ADSL: variants seen among roughly 807,000 people sequenced by gnomAD.
ADSL encodes adenylosuccinate lyase.
A neutral mutation model predicts 62.1 loss-of-function variants in ADSL; 44 were observed. The observed-to-expected ratio is 0.71, with a 90% CI of 0.56 to 0.91. ADSL has a LOEUF of 0.91. Ranked by LOEUF, ADSL falls within the 40% of genes least tolerant of loss-of-function variation. The pLI is 0.00. For synonymous variants in ADSL, 198 were observed against 220.5 expected (o/e 0.90, Z 0.90); for missense variants, 531 against 627.4 (o/e 0.85, Z 1.64).
intron 2 of ADSL, among the ~76,000 whole-genome samples, chr22:40,351,192 C>CA: frequency 6.6e-6 from 1 of 150,432 alleles, no homozygotes; most frequent in African/African-American, 2.5e-5. Flanking sequence ...TTTTTGGAGA[C>CA]AGAGTTTTGC....
chr22:40,353,775 G>T, intron 3 of ADSL: 1 of 264,082 alleles, frequency 3.8e-6, no homozygotes, highest in East Asian at 1.1e-4. Context: ...ACTGGCACCC[G>T]CCACTACGCC....
At position 40,361,527 on chromosome 22, in the gene ADSL, C is replaced by A; in HGVS notation, c.902C>A (p.Ser301Ter). ...AMPYKRNPMR[S>*]ERCCSLARHL... is the part of the protein sequence containing the mutation. Reference sequence around the variant, plus strand: ...CCATATAAGCGGAATCCCATGCGTTCAGAACGTTGCTGCAGTCTTGCCCGC... The same window carrying A: ...CCATATAAGCGGAATCCCATGCGTTAAGAACGTTGCTGCAGTCTTGCCCGC... The change falls in exon 9 of 13, where the codon TCA (serine) becomes TAA (stop). Residue 301 changes from serine to a stop codon, truncating the protein, a stop_gained. Transcript: ENST00000623063. LOFTEE classifies it high-confidence loss of function. The A allele has an allele frequency of 6.2e-7, 1 of 1,614,212 alleles. No homozygotes were observed. Among genetic ancestry groups the A allele is most frequent in the Non-Finnish European group, 8.5e-7 (1 of 1,180,050 alleles).
intron 2 of ADSL, among the ~76,000 whole-genome samples, chr22:40,380,660 C>G (rs2047420017): frequency 6.6e-6 from 1 of 152,096 alleles, no homozygotes; most frequent in South Asian, 2.1e-4. Flanking sequence ...ATCATAAAAA[C>G]AGGCCTGGCT....
intron 4 of ADSL, among the ~76,000 whole-genome samples, chr22:40,357,018 C>G (rs961506477): frequency 6.6e-6 from 1 of 152,152 alleles, no homozygotes; most frequent in African/African-American, 2.4e-5. Context: ...ACCTCAGCCT[C>G]CCAAGTACCT....
chr22:40,385,071 T>A (rs1466760095), intron 2 of ADSL, among the ~76,000 whole-genome samples: 1 of 152,322 alleles, frequency 6.6e-6, no homozygotes, highest in East Asian at 1.9e-4. Flanking sequence ...CAATATGGTC[T>A]GTGCCCTCAG....
Position 40,366,345 on chromosome 22 carries a change from G to C in ADSL, c.1369-91G>C, listed in dbSNP as rs530986590. 3 of 906,164 alleles carry C rather than the reference G, an allele frequency of 3.3e-6. No homozygotes were observed. The African/African-American group carries it at 5.0e-5, about 15-fold the overall frequency. The allele number at this position is 906,164 out of a possible 1,614,324, so 56.1% of individuals were successfully genotyped here. A position where few individuals can be genotyped will look rare whatever the true frequency, so the allele number is the denominator to read the frequency against. On this transcript the variant is annotated intron_variant, in intron 12 of 12. Coordinates refer to ENST00000623063, the MANE Select transcript of ADSL (RefSeq NM_000026.4). The stretch of plus-strand genomic sequence containing the variant: ...TTGGAGTAAAAGCTTCATCAAATTA[G>C]GTTTCAGTGGTATCCCCTGACATTG...
At chr22:40,353,950 G>C (rs757813242) in intron 3 of ADSL, 12 of 477,588 alleles carry the variant, frequency 2.5e-5, no homozygotes, top group Admixed American at 2.1e-4. Flanking sequence ...TAAACGAAGA[G>C]AGTGCAACCA....
rs1462967873 is a variant in ADSL, at chr22:40,349,088, C to T, written c.154-744C>T. ...GTAAAATGGCCACCATCATGCCAAGCACTAAGGATTAAGCAATAAATAAAA... is the reference window on the plus strand; with the variant it reads ...GTAAAATGGCCACCATCATGCCAAGTACTAAGGATTAAGCAATAAATAAAA... On this transcript the variant is annotated intron_variant, in intron 1 of 12. Coordinates refer to ENST00000623063, the MANE Select transcript of ADSL (RefSeq NM_000026.4). 2.0e-5 allele frequency among the ~76,000 whole-genome samples: 3 copies of T among 152,094 alleles called. 1 individual carries two copies. Among genetic ancestry groups the T allele is most frequent in the African/African-American group, 7.2e-5 (3 of 41,424 alleles).
intron 11 of ADSL, 97 bp downstream of exon 11, chr22:40,364,462 T>C: frequency 9.7e-7 from 1 of 1,027,560 alleles, no homozygotes; most frequent in Non-Finnish European, 1.5e-6. Flanking sequence ...TTTATGTCAT[T>C]ACCTTCAGTC....
At chr22:40,347,671 A>G (rs915597438) in intron 1 of ADSL, among the ~76,000 whole-genome samples, 9 of 152,196 alleles carry the variant, frequency 5.9e-5, no homozygotes, top group African/African-American at 2.2e-4. Context: ...ATATTGGGCG[A>G]TACACTACAA....
chr22:40,375,666 AT>A (rs34846503), intron 2 of ADSL, among the ~76,000 whole-genome samples: 135 of 147,686 alleles, frequency 9.1e-4, no homozygotes, highest in African/African-American at 2.3e-3. Flanking sequence ...AAGACAGAGA[AT>A]TTTTTTTTTT....
chr22:40,353,747 TC>T, intron 3 of ADSL: 1 of 255,320 alleles, frequency 3.9e-6, no homozygotes, highest in Non-Finnish European at 7.4e-6. Flanking sequence ...TGCCTCAGCC[TC>T]CCGAACAGCT....
Position 40,378,830 on chromosome 22 carries a change from C to T in ADSL, c.90-11400C>T, listed in dbSNP as rs542575874. ...GAGATCGTGATTCTCTGATTGAAAT[C>T]TAAATCTGCAGACTCCGAGACCTAG... On this transcript the variant is annotated intron_variant, in intron 2 of 2. Transcript: ENST00000498234. 1.8e-4 allele frequency among the ~76,000 whole-genome samples: 28 copies of T among 152,318 alleles called. No homozygotes were observed. The South Asian group carries it at 5.8e-3, about 32-fold the overall frequency.
chr22:40,366,035 G>A (rs1426378095), intron 12 of ADSL, among the ~76,000 whole-genome samples: 1 of 151,936 alleles, frequency 6.6e-6, no homozygotes, highest in African/African-American at 2.4e-5. Context: ...TACTGCAACG[G>A]GCCAAGCAGT....
At chr22:40,364,138 A>G (rs2044903342) in intron 10 of ADSL, 138 bp from the exon 11 acceptor site, 3 of 732,048 alleles carry the variant, frequency 4.1e-6, no homozygotes, top group African/African-American at 1.7e-5. Context: ...AAAACATCAT[A>G]TAGAATAAAA....
chr22:40,363,167 C>G, intron 10 of ADSL, 96 bp downstream of exon 10: 1 of 1,156,152 alleles, frequency 8.6e-7, no homozygotes, highest in Non-Finnish European at 1.3e-6. Flanking sequence ...GTATTCTGAT[C>G]CGATAGGCAT....
At chr22:40,353,775 G>A (rs928069315) in intron 3 of ADSL, 2 of 264,082 alleles carry the variant, frequency 7.6e-6, no homozygotes, top group Non-Finnish European at 1.5e-5. Flanking sequence ...ACTGGCACCC[G>A]CCACTACGCC....
chr22:40,346,807 G>C, intron 1 of ADSL, 96 bp downstream of exon 1: 1 of 1,315,384 alleles, frequency 7.6e-7, no homozygotes. Flanking sequence ...CCACCCCGGA[G>C]CTGCGGCCCG....
intron 6 of ADSL, among the ~76,000 whole-genome samples, chr22:40,359,707 A>C (rs1233537193): frequency 2.0e-5 from 3 of 151,330 alleles, no homozygotes; most frequent in African/African-American, 7.3e-5. Flanking sequence ...GTTTTTGTAT[A>C]ATTTTTGTAT....
Sources: gnomAD v4.1 joint callset for allele counts (sites outside exome capture counted in the v4.1 genomes callset) on GRCh38, gnomAD v4.1.1 for gene constraint, MANE v1.5 for transcripts, NCBI Gene and HGNC (gene_info 2026-07-23, HGNC 2026-07-21) for gene names.